SCARA3: variants seen among roughly 807,000 people sequenced by gnomAD.
The protein encoded by SCARA3 is scavenger receptor class A member 3.
Under a neutral mutation model 47.0 loss-of-function variants are expected in SCARA3, and 39 were observed. That is an observed-to-expected ratio of 0.83 (90% CI 0.64 to 1.08). The LOEUF (loss-of-function observed/expected upper bound fraction) is 1.08, where lower values mean the gene tolerates loss of function less well. Among genes scored for constraint, SCARA3 ranks in the 50% least tolerant of loss-of-function variants. The pLI is 0.00. For missense variants in SCARA3, 724 were observed against 792.3 expected (o/e 0.91, Z 1.04); for synonymous variants, 356 against 334.1 (o/e 1.07, Z -0.71).
At chr8:27,729,832 G>A in the SCARA3 span, among the ~76,000 whole-genome samples, 1 of 152,100 alleles carries the variant, frequency 6.6e-6, no homozygotes, top group East Asian at 1.9e-4. Context: ...ACAATAAAAG[G>A]AGCAGAGCTG....
At chr8:27,729,149 G>A in the SCARA3 span, among the ~76,000 whole-genome samples, 15 of 152,264 alleles carry the variant, frequency 9.9e-5, no homozygotes, top group African/African-American at 3.6e-4. Context: ...ATCTAAGGGC[G>A]GGGAAGAGAA....
In SCARA3 at chr8:27,658,529, A is replaced by C. The variant is rs138620851; in HGVS notation, c.359A>C (p.His120Pro). Reference sequence around the variant, plus strand: ...GCCCTGAACAACTGCTCTTTCTGCCATGAAGCTGGGCAGCTGGGGCCAGAG... The same window carrying C: ...GCCCTGAACAACTGCTCTTTCTGCCCTGAAGCTGGGCAGCTGGGGCCAGAG... ...PKALNNCSFC[H>P]EAGQLGPEIR... Residue 120 changes from histidine (H) to proline (P), a missense_variant, in exon 5 of 6, where the codon CAT (histidine) becomes CCT (proline). Transcript: ENST00000301904. 1 of 1,612,270 alleles carries C rather than the reference A, an allele frequency of 6.2e-7. No individual in the cohort carries two copies. The highest frequency in any genetic ancestry group is 1.3e-5 in the African/African-American group (1 of 74,988).
In SCARA3 at chr8:27,672,948, A is replaced by G; in HGVS notation, c.*1597A>G. On this transcript the variant is annotated 3_prime_UTR_variant, in exon 6 of 6. Transcript: ENST00000301904. ...GCACTGCACACCCCACGGCCATGTA[A>G]CTCTCCTGTCCACATATGATAATAC... 3 of 985,244 alleles carry G rather than the reference A, an allele frequency of 3.0e-6. No homozygotes were observed. The South Asian group carries it at 1.4e-4, about 46-fold the overall frequency. The allele number at this position is 985,244 out of a possible 1,614,324, so 61.0% of individuals were successfully genotyped here.
At chr8:27,711,413 C>T in the SCARA3 span, among the ~76,000 whole-genome samples, 1 of 152,154 alleles carries the variant, frequency 6.6e-6, no homozygotes, top group Non-Finnish European at 1.5e-5. Flanking sequence ...CCATCTTTGT[C>T]CTCCTCAAGT....
chr8:27,640,638 C>T (rs1801362071), intron 1 of SCARA3, among the ~76,000 whole-genome samples: 1 of 152,030 alleles, frequency 6.6e-6, no homozygotes, highest in Admixed American at 6.6e-5. Flanking sequence ...CCTCAGCCTC[C>T]CGATTACTTA....
At chr8:27,727,044 G>A in the SCARA3 span, among the ~76,000 whole-genome samples, 13 of 152,090 alleles carry the variant, frequency 8.5e-5, 1 homozygote, top group South Asian at 2.7e-3. Context: ...CCAAAGTGTT[G>A]GGATTACAGG....
At chr8:27,674,134 T>A (rs1802224841), downstream of SCARA3, among the ~76,000 whole-genome samples, 1 of 152,226 alleles carries the variant, frequency 6.6e-6, no homozygotes, top group Non-Finnish European at 1.5e-5. Flanking sequence ...GCTCTTAGTA[T>A]TAATGTGGCC....
At chr8:27,716,726 G>A in the SCARA3 span, among the ~76,000 whole-genome samples, 17 of 152,164 alleles carry the variant, frequency 1.1e-4, no homozygotes, top group African/African-American at 3.9e-4. Context: ...AAACTAGTAC[G>A]TGAAAGTGGG....
At chr8:27,634,322 C>A in intron 1 of SCARA3, 115 bp downstream of exon 1, 1 of 949,646 alleles carries the variant, frequency 1.1e-6, no homozygotes, top group Non-Finnish European at 1.4e-6. Flanking sequence ...CAGGGCGCCT[C>A]TGGCTTTTCC....
downstream of SCARA3, chr8:27,673,116 T>TC (rs201625957): frequency 6.9e-4 from 371 of 539,902 alleles, 3 homozygotes; most frequent in African/African-American, 7.1e-3. Flanking sequence ...GTGACGAGGG[T>TC]CCCCCAAAAA....
intron 4 of SCARA3, 136 bp downstream of exon 4, chr8:27,657,016 C>A: frequency 1.6e-6 from 1 of 637,172 alleles, no homozygotes; most frequent in Admixed American, 2.6e-5. Context: ...CAGCTCCCTG[C>A]TCCCTCCCCA....
At chr8:27,655,947 T>TA (rs1801734591) in intron 3 of SCARA3, among the ~76,000 whole-genome samples, 1 of 152,210 alleles carries the variant, frequency 6.6e-6, no homozygotes, top group Admixed American at 6.5e-5. Context: ...GAAAGTACAG[T>TA]AGTCCCCGTT....
At chr8:27,648,675 C>G (rs1021820247) in intron 1 of SCARA3, among the ~76,000 whole-genome samples, 10 of 151,934 alleles carry the variant, frequency 6.6e-5, no homozygotes, top group Non-Finnish European at 1.2e-4. Flanking sequence ...AAAATATTCT[C>G]GGGCTATAAA....
downstream of SCARA3, among the ~76,000 whole-genome samples, chr8:27,675,999 A>G (rs1191135405): frequency 6.6e-6 from 1 of 152,250 alleles, no homozygotes; most frequent in East Asian, 1.9e-4. Flanking sequence ...ATAGAAAAAT[A>G]TTGTTTTTTG....
intron 2 of SCARA3, among the ~76,000 whole-genome samples, chr8:27,650,235 T>A (rs991807459): frequency 2.0e-5 from 3 of 152,166 alleles, no homozygotes; most frequent in African/African-American, 7.2e-5. Context: ...CCTCAAGTGA[T>A]CTGCCCGCCT....
intron 1 of SCARA3, among the ~76,000 whole-genome samples, chr8:27,641,108 A>G (rs755729892): frequency 1.3e-5 from 2 of 152,206 alleles, no homozygotes; most frequent in Non-Finnish European, 2.9e-5. Context: ...TTTCCCTCAG[A>G]TTTATCATAG....
At chr8:27,677,617 A>T (rs1232460906), downstream of SCARA3, among the ~76,000 whole-genome samples, 1 of 152,210 alleles carries the variant, frequency 6.6e-6, no homozygotes, top group Non-Finnish European at 1.5e-5. Context: ...AAAAAGCAGC[A>T]TCTCTCTCTC....
the SCARA3 span, among the ~76,000 whole-genome samples, chr8:27,692,110 A>G: frequency 6.6e-6 from 1 of 152,180 alleles, no homozygotes; most frequent in Non-Finnish European, 1.5e-5. Flanking sequence ...CACAACCACC[A>G]GCATTAACAT....
At chr8:27,700,040 A>T in the SCARA3 span, among the ~76,000 whole-genome samples, 3 of 152,172 alleles carry the variant, frequency 2.0e-5, no homozygotes, top group Non-Finnish European at 4.4e-5. Context: ...TGGACCACAA[A>T]CCTAAATGTA....
Sources: gnomAD v4.1 joint callset for allele counts (sites outside exome capture counted in the v4.1 genomes callset) on GRCh38, gnomAD v4.1.1 for gene constraint, MANE v1.5 for transcripts, NCBI Gene and HGNC (gene_info 2026-07-23, HGNC 2026-07-21) for gene names.